SGCG: variants seen among roughly 807,000 people sequenced by gnomAD.
SGCG encodes sarcoglycan gamma.
A neutral mutation model predicts 29.3 loss-of-function variants in SGCG; 26 were observed. That is an observed-to-expected ratio of 0.89 (90% CI 0.65 to 1.23). The LOEUF (loss-of-function observed/expected upper bound fraction) is 1.23, where lower values mean the gene tolerates loss of function less well. Ranked by LOEUF, SGCG falls within the 50% of genes most tolerant of loss-of-function variation. The pLI, the probability that SGCG is intolerant of heterozygous loss-of-function variation, is 0.00. For missense variants in SGCG, 353 were observed against 356.0 expected, an observed-to-expected ratio of 0.99 and a Z score of 0.07; for synonymous variants, 145 against 129.7, an observed-to-expected ratio of 1.12 and a Z score of -0.80.
intron 2 of SGCG, among the ~76,000 whole-genome samples, chr13:23,223,871 C>T (rs1412584168): frequency 6.6e-6 from 1 of 152,094 alleles, no homozygotes; most frequent in Non-Finnish European, 1.5e-5. Context: ...GAGGCTGAGG[C>T]AAGAGAATCG....
Position 23,224,460 on chromosome 13 carries a change from G to A in SGCG, c.196-10151G>A, listed in dbSNP as rs914471759. On this transcript the variant is annotated intron_variant, in intron 2 of 7. Transcript: ENST00000218867. ...GCATTTATGATGTTCCAGGCACAGC[G>A]CTAGACACGCATAATACAGAGAGGA... Among the ~76,000 whole-genome samples the A allele has an allele frequency of 6.6e-5, 10 of 152,116 alleles. No individual in the cohort carries two copies. The South Asian group carries it at 8.3e-4, about 13-fold the overall frequency.
intron 4 of SGCG, among the ~76,000 whole-genome samples, chr13:23,255,234 C>T (rs1720431043): frequency 6.6e-6 from 1 of 152,228 alleles, no homozygotes. Context: ...TGTAAAGCCA[C>T]AGGAGTGGTG....
intron 7 of SGCG, among the ~76,000 whole-genome samples, chr13:23,323,648 T>C (rs1016730987): frequency 5.3e-5 from 8 of 152,220 alleles, no homozygotes; most frequent in African/African-American, 1.9e-4. Flanking sequence ...AACTAAATTA[T>C]CATATGACCA....
intron 2 of SGCG, among the ~76,000 whole-genome samples, chr13:23,219,751 AT>A (rs36072865): frequency 0.35 from 50,127 of 143,260 alleles, 8,519 homozygotes; most frequent in East Asian, 0.48. Context: ...CACAATTATT[AT>A]TTTTTTTTTT....
In SGCG at chr13:23,281,487, T is replaced by C. The variant is rs183298541; in HGVS notation, c.505+2009T>C. On this transcript the variant is annotated intron_variant, in intron 5 of 7. Transcript: ENST00000218867. ...CCCCAGTTGCTGCTGATGCCACAGC[T>C]CTGGGGACCACACTTTGAGAACCAC... Among the ~76,000 whole-genome samples, 3 of 152,212 alleles carry C rather than the reference T, an allele frequency of 2.0e-5. No homozygotes were observed. In the East Asian group the frequency reaches 5.8e-4, roughly 29 times the overall value.
chr13:23,295,279 G>A, intron 5 of SGCG, 136 bp from the exon 6 acceptor site: 1 of 767,860 alleles, frequency 1.3e-6, no homozygotes, highest in African/African-American at 1.7e-5. Context: ...TTTTCTACCT[G>A]TAACTCAAAC....
At chr13:23,241,522 G>A (rs9578558) in intron 3 of SGCG, among the ~76,000 whole-genome samples, 21,541 of 152,128 alleles carry the variant, frequency 0.14, 1,820 homozygotes, top group African/African-American at 0.23. Context: ...AGGCTTCACC[G>A]CTGAATTCTA....
chr13:23,309,216 A>T (rs1410746125), intron 6 of SGCG, among the ~76,000 whole-genome samples: 3 of 152,138 alleles, frequency 2.0e-5, no homozygotes, highest in Non-Finnish European at 4.4e-5. Context: ...ATTAGTTTAC[A>T]TATATATGTA....
upstream of SGCG, among the ~76,000 whole-genome samples, chr13:23,176,778 T>A (rs1160124054): frequency 2.0e-5 from 3 of 152,226 alleles, no homozygotes; most frequent in Non-Finnish European, 2.9e-5. Context: ...TTATTAATTG[T>A]TTCCTGGCTG....
At chr13:23,213,572 T>C (rs1186202202) in intron 2 of SGCG, among the ~76,000 whole-genome samples, 1 of 152,242 alleles carries the variant, frequency 6.6e-6, no homozygotes, top group Non-Finnish European at 1.5e-5. Flanking sequence ...AGATCAAATT[T>C]ATCCAAAACC....
intron 4 of SGCG, among the ~76,000 whole-genome samples, chr13:23,263,896 T>C (rs1274775445): frequency 6.6e-6 from 1 of 152,038 alleles, no homozygotes; most frequent in Non-Finnish European, 1.5e-5. Context: ...ATAAAAACCC[T>C]CAACCAACTA....
intron 3 of SGCG, 142 bp from the exon 4 acceptor site, chr13:23,250,488 C>T: frequency 3.2e-6 from 2 of 628,540 alleles, no homozygotes; most frequent in Non-Finnish European, 5.7e-6. Context: ...TTTTAATTGT[C>T]TTAGCCACAA....
At chr13:23,290,519 G>A (rs1444442087) in intron 5 of SGCG, among the ~76,000 whole-genome samples, 5 of 152,200 alleles carry the variant, frequency 3.3e-5, no homozygotes, top group Non-Finnish European at 7.3e-5. Context: ...TATTATTACG[G>A]AAGTTATTGC....
At chr13:23,178,561 C>T (rs905613826), upstream of SGCG, among the ~76,000 whole-genome samples, 1 of 152,174 alleles carries the variant, frequency 6.6e-6, no homozygotes, top group Non-Finnish European at 1.5e-5. Flanking sequence ...TAAAATGAGA[C>T]TACTATCCAT....
At chr13:23,185,728 G>A (rs987231879) in intron 1 of SGCG, among the ~76,000 whole-genome samples, 1 of 152,202 alleles carries the variant, frequency 6.6e-6, no homozygotes, top group African/African-American at 2.4e-5. Flanking sequence ...GAGAGGGGCC[G>A]GGCTTTCACC....
the SGCG span, among the ~76,000 whole-genome samples, chr13:23,172,252 A>T: frequency 6.6e-6 from 1 of 152,174 alleles, no homozygotes; most frequent in African/African-American, 2.4e-5. Context: ...CTTTTCAAAG[A>T]AGAAAGTTGG....
At chr13:23,174,016 A>G in the SGCG span, among the ~76,000 whole-genome samples, 199 of 152,356 alleles carry the variant, frequency 1.3e-3, no homozygotes, top group African/African-American at 4.6e-3. Context: ...ATTCTATGCT[A>G]AATGAAATGA....
intron 5 of SGCG, among the ~76,000 whole-genome samples, chr13:23,280,199 G>A (rs1319316161): frequency 1.3e-5 from 2 of 152,072 alleles, no homozygotes; most frequent in Non-Finnish European, 2.9e-5. Flanking sequence ...AAGTTGAATA[G>A]GGGTCTCATA....
At chr13:23,198,733 C>G (rs1193648191) in intron 1 of SGCG, among the ~76,000 whole-genome samples, 1 of 151,428 alleles carries the variant, frequency 6.6e-6, no homozygotes, top group East Asian at 1.9e-4. Context: ...GTAATCCCAG[C>G]TACTCAGGAG....
Sources: gnomAD v4.1 joint callset for allele counts (sites outside exome capture counted in the v4.1 genomes callset) on GRCh38, gnomAD v4.1.1 for gene constraint, MANE v1.5 for transcripts, NCBI Gene and HGNC (gene_info 2026-07-23, HGNC 2026-07-21) for gene names.